Variants in TMEM132D observed in about 807,000 individuals in gnomAD.
TMEM132D encodes mature OL transmembrane protein.
In TMEM132D, 21 loss-of-function variants were observed where a neutral mutation model predicts 62.3. The ratio of observed to expected loss-of-function variants is 0.34; its 90% CI spans 0.24 to 0.49. The LOEUF (loss-of-function observed/expected upper bound fraction) is 0.49. Among genes scored for constraint, TMEM132D ranks in the 20% least tolerant of loss-of-function variants. The pLI is 0.99. For missense variants in TMEM132D, 1,346 were observed against 1,402.8 expected, an observed-to-expected ratio of 0.96 and a Z score of 0.65; for synonymous variants, 621 against 575.6, an observed-to-expected ratio of 1.08 and a Z score of -1.13.
At chr12:129,801,629 A>G (rs1340605870) in intron 1 of TMEM132D, among the ~76,000 whole-genome samples, 6 of 151,440 alleles carry the variant, frequency 4.0e-5, no homozygotes, top group East Asian at 1.9e-4. Flanking sequence ...AAAGCAGAGC[A>G]CCTCTCCTCC....
chr12:129,769,427 C>G (rs1234337210), intron 1 of TMEM132D, among the ~76,000 whole-genome samples: 4 of 152,146 alleles, frequency 2.6e-5, no homozygotes, highest in African/African-American at 9.7e-5. Context: ...ATGGGAAAAA[C>G]CTGCCCCCAT....
chr12:129,548,502 G>C (rs893668423), intron 2 of TMEM132D, among the ~76,000 whole-genome samples: 1 of 152,190 alleles, frequency 6.6e-6, no homozygotes, highest in Non-Finnish European at 1.5e-5. Flanking sequence ...CATAAAATCT[G>C]GCTTTCAAGT....
intron 2 of TMEM132D, among the ~76,000 whole-genome samples, chr12:129,533,204 CATT>C (rs1441582928): frequency 1.3e-5 from 2 of 152,194 alleles, no homozygotes; most frequent in Non-Finnish European, 2.9e-5. Flanking sequence ...TTTAAATAAT[CATT>C]ATGCATGCAA....
chr12:129,587,980 G>A (rs1878078067), intron 2 of TMEM132D, among the ~76,000 whole-genome samples: 1 of 152,128 alleles, frequency 6.6e-6, no homozygotes, highest in Non-Finnish European at 1.5e-5. Context: ...AGCTCCTCCT[G>A]GAGACACCGG....
intron 1 of TMEM132D, among the ~76,000 whole-genome samples, chr12:129,762,238 G>A (rs1478980335): frequency 6.6e-6 from 1 of 151,994 alleles, no homozygotes; most frequent in African/African-American, 2.4e-5. Flanking sequence ...CAACATCCTA[G>A]CTGAGGGAAG....
intron 5 of TMEM132D, among the ~76,000 whole-genome samples, chr12:129,151,568 G>A (rs1025248591): frequency 2.6e-5 from 4 of 152,186 alleles, no homozygotes; most frequent in Admixed American, 2.6e-4. Context: ...CACCCATATG[G>A]TCACGGCGCG....
intron 3 of TMEM132D, among the ~76,000 whole-genome samples, chr12:129,454,905 C>G (rs377392506): frequency 1.3e-5 from 2 of 152,200 alleles, no homozygotes; most frequent in Admixed American, 6.5e-5. Flanking sequence ...CCTCCCTTCT[C>G]TAGTTAAGGA....
chr12:129,248,029 G>A lies in TMEM132D; in HGVS notation c.1300-38366C>T, dbSNP rs371890837. Among the ~76,000 whole-genome samples the A allele has an allele frequency of 5.3e-5, 8 of 152,260 alleles. No homozygotes were observed. In the South Asian group the frequency reaches 8.3e-4, roughly 16 times the overall value. On this transcript the variant is annotated intron_variant, in intron 4 of 8. Transcript: ENST00000422113. ...CCTTTAGCATAAAATTCAAGCCAAAGCTATCATTGTTCTCTACCTCGATAT... is the reference window on the plus strand; with the variant it reads ...CCTTTAGCATAAAATTCAAGCCAAAACTATCATTGTTCTCTACCTCGATAT...
chr12:129,273,667 C>G (rs773201113), intron 4 of TMEM132D, among the ~76,000 whole-genome samples: 1 of 151,718 alleles, frequency 6.6e-6, no homozygotes, highest in African/African-American at 2.4e-5. Flanking sequence ...AATGCATGAA[C>G]GAAAAACCAG....
At chr12:129,695,624 G>T (rs1420179345) in intron 2 of TMEM132D, among the ~76,000 whole-genome samples, 2 of 152,212 alleles carry the variant, frequency 1.3e-5, no homozygotes, top group African/African-American at 4.8e-5. Context: ...TCATCTCATG[G>T]GATGTATTCT....
intron 5 of TMEM132D, among the ~76,000 whole-genome samples, chr12:129,188,309 C>T (rs1878275812): frequency 1.3e-5 from 2 of 152,136 alleles, no homozygotes; most frequent in South Asian, 2.1e-4. Flanking sequence ...AGTCACCTCT[C>T]GACACCTAGC....
At position 129,612,067 on chromosome 12, in the gene TMEM132D, A is replaced by G. The variant is rs144590284; in HGVS notation, c.969-80862T>C. ...ATCTCCACCCTAGACCCAACATGCA[A>G]TGGTGGACCAAGGACAGAAGAAGGA... On this transcript the variant is annotated intron_variant, in intron 2 of 8. Transcript: ENST00000422113. 4.2e-3 allele frequency among the ~76,000 whole-genome samples: 646 copies of G among 152,326 alleles called. 3 individuals are homozygous for G. Among genetic ancestry groups the G allele is most frequent in the Admixed American group, 0.011 (171 of 15,302 alleles).
At chr12:129,609,773 C>T (rs920600704) in intron 2 of TMEM132D, among the ~76,000 whole-genome samples, 4 of 152,192 alleles carry the variant, frequency 2.6e-5, no homozygotes, top group South Asian at 2.1e-4. Flanking sequence ...TGGACAGCAA[C>T]GTGGAACGGA....
chr12:129,798,019 T>C (rs1871616754), intron 1 of TMEM132D, among the ~76,000 whole-genome samples: 1 of 152,178 alleles, frequency 6.6e-6, no homozygotes, highest in Non-Finnish European at 1.5e-5. Flanking sequence ...TAGTGAATGA[T>C]TTCTTGAGAG....
At chr12:129,441,132 T>C (rs1872924874) in intron 3 of TMEM132D, among the ~76,000 whole-genome samples, 1 of 152,122 alleles carries the variant, frequency 6.6e-6, no homozygotes. Flanking sequence ...TTCACTAAGA[T>C]TTGCAAGATT....
intron 3 of TMEM132D, among the ~76,000 whole-genome samples, chr12:129,528,750 A>G (rs564922092): frequency 4.6e-5 from 7 of 152,358 alleles, no homozygotes; most frequent in Admixed American, 1.3e-4. Context: ...CAAATTATCA[A>G]ATTGAACAAA....
chr12:129,743,310 G>A (rs1451741718), intron 1 of TMEM132D, among the ~76,000 whole-genome samples: 1 of 152,178 alleles, frequency 6.6e-6, no homozygotes, highest in Admixed American at 6.5e-5. Context: ...CTGTGGGAGG[G>A]ACCCAATGGG....
At chr12:129,799,769 G>T (rs917652982) in intron 1 of TMEM132D, among the ~76,000 whole-genome samples, 5 of 152,170 alleles carry the variant, frequency 3.3e-5, no homozygotes, top group Admixed American at 6.5e-5. Flanking sequence ...AGGACCCCAT[G>T]GAAGGGCGGA....
chr12:129,851,617 C>A (rs910588201), intron 1 of TMEM132D, among the ~76,000 whole-genome samples: 2 of 152,164 alleles, frequency 1.3e-5, no homozygotes, highest in Non-Finnish European at 2.9e-5. Flanking sequence ...CACATTAACA[C>A]TGTTTTATTT....
Sources: gnomAD v4.1 joint callset for allele counts (sites outside exome capture counted in the v4.1 genomes callset) on GRCh38, gnomAD v4.1.1 for gene constraint, MANE v1.5 for transcripts, NCBI Gene and HGNC (gene_info 2026-07-23, HGNC 2026-07-21) for gene names.